Variants in ATG7 observed in about 807,000 individuals in gnomAD.
ATG7 encodes the protein autophagy related 7.
ATG7 carries 70 observed loss-of-function variants against 82.4 expected under a neutral mutation model. The ratio of observed to expected loss-of-function variants is 0.85; its 90% CI spans 0.70 to 1.04. ATG7 has a LOEUF of 1.04. Among genes scored for constraint, ATG7 ranks in the 50% least tolerant of loss-of-function variants. ATG7 has a pLI of 0.00. For missense variants in ATG7, 792 were observed against 864.3 expected (o/e 0.92, Z 1.05); for synonymous variants, 287 against 313.0 (o/e 0.92, Z 0.88).
At chr3:11,472,251 G>GT (rs2087628796) in intron 20 of ATG7, among the ~76,000 whole-genome samples, 1 of 152,068 alleles carries the variant, frequency 6.6e-6, no homozygotes, top group African/African-American at 2.4e-5. Context: ...TCTTGCCTGG[G>GT]TTTTCCCTGT....
intron 20 of ATG7, among the ~76,000 whole-genome samples, chr3:11,447,630 T>C (rs2084699370): frequency 6.6e-6 from 1 of 152,192 alleles, no homozygotes; most frequent in South Asian, 2.1e-4. Flanking sequence ...CAAGTTCTTT[T>C]CTTCCCCATA....
chr3:11,543,738 A>G (rs1330579950), intron 20 of ATG7, among the ~76,000 whole-genome samples: 1 of 152,192 alleles, frequency 6.6e-6, no homozygotes, highest in East Asian at 1.9e-4. Flanking sequence ...CATCTCTACT[A>G]AAAATACCAA....
At chr3:11,552,366 T>A (rs970016721) in intron 20 of ATG7, among the ~76,000 whole-genome samples, 3 of 152,238 alleles carry the variant, frequency 2.0e-5, no homozygotes, top group African/African-American at 7.2e-5. Flanking sequence ...TGATATTTTT[T>A]AAAATGTGCC....
chr3:11,490,667 G>A (rs1426854543), intron 20 of ATG7, among the ~76,000 whole-genome samples: 1 of 152,034 alleles, frequency 6.6e-6, no homozygotes, highest in Admixed American at 6.6e-5. Flanking sequence ...GGCAGGCCTG[G>A]TGGTGACAAA....
chr3:11,571,370 G>A, the ATG7 span, among the ~76,000 whole-genome samples: 4 of 152,120 alleles, frequency 2.6e-5, no homozygotes, highest in African/African-American at 7.2e-5. Context: ...ATCCACCCAC[G>A]TAATGTTTCC....
intron 9 of ATG7, among the ~76,000 whole-genome samples, chr3:11,319,900 T>C (rs1222824887): frequency 1.3e-5 from 2 of 152,232 alleles, no homozygotes; most frequent in Non-Finnish European, 2.9e-5. Context: ...ACTGTGGGCC[T>C]CTCCAGTTCA....
intron 18 of ATG7, among the ~76,000 whole-genome samples, chr3:11,370,127 A>G (rs1234750049): frequency 6.6e-6 from 1 of 151,072 alleles, no homozygotes; most frequent in Non-Finnish European, 1.5e-5. Context: ...CACATAAGAG[A>G]CCCTTGTAAA....
chr3:11,292,099 G>C (rs1210752540), intron 3 of ATG7, among the ~76,000 whole-genome samples: 3 of 152,204 alleles, frequency 2.0e-5, no homozygotes, highest in Non-Finnish European at 4.4e-5. Flanking sequence ...GTAGCAGTGG[G>C]AATGGAGAGA....
At chr3:11,353,546 C>A (rs184191900) in intron 14 of ATG7, among the ~76,000 whole-genome samples, 1 of 152,118 alleles carries the variant, frequency 6.6e-6, no homozygotes, top group Non-Finnish European at 1.5e-5. Flanking sequence ...AATTGTGATC[C>A]TCACTGTTGG....
intron 9 of ATG7, among the ~76,000 whole-genome samples, chr3:11,327,080 G>T (rs1950989300): frequency 6.6e-6 from 1 of 152,126 alleles, no homozygotes; most frequent in Non-Finnish European, 1.5e-5. Flanking sequence ...TTGCAGAGGG[G>T]GAGTCCGTGT....
downstream of ATG7, among the ~76,000 whole-genome samples, chr3:11,562,625 G>A (rs913565017): frequency 3.3e-5 from 5 of 152,256 alleles, no homozygotes; most frequent in South Asian, 6.2e-4. Flanking sequence ...AGCCCAGCTC[G>A]GATTGGTGTG....
intron 4 of ATG7, 175 bp downstream of exon 4, chr3:11,299,030 CTTG>C: frequency 2.7e-6 from 2 of 740,170 alleles, no homozygotes; most frequent in Non-Finnish European, 2.1e-6. Flanking sequence ...TTTATTTTCT[CTTG>C]TTGTGGGGAA....
At chr3:11,571,436 C>T in the ATG7 span, among the ~76,000 whole-genome samples, 2 of 152,322 alleles carry the variant, frequency 1.3e-5, no homozygotes, top group African/African-American at 2.4e-5. Context: ...GTAATCCCAG[C>T]ACTTTGGGAG....
chr3:11,414,062 TTTTTG>T (rs987403966), intron 19 of ATG7, among the ~76,000 whole-genome samples: 16 of 152,178 alleles, frequency 1.1e-4, no homozygotes, highest in South Asian at 6.2e-4. Flanking sequence ...ATAATGGAGT[TTTTTG>T]TTTTGTTTTG....
intron 19 of ATG7, among the ~76,000 whole-genome samples, chr3:11,397,198 C>A (rs1012625999): frequency 1.3e-5 from 2 of 151,888 alleles, no homozygotes; most frequent in Non-Finnish European, 2.9e-5. Flanking sequence ...TACAGAATGA[C>A]TGAAAATAAG....
chr3:11,342,834 G>A (rs1032954701), intron 13 of ATG7, among the ~76,000 whole-genome samples: 1 of 150,054 alleles, frequency 6.7e-6, no homozygotes, highest in African/African-American at 2.5e-5. Context: ...ATATCCATAG[G>A]ATTTTTTTTT....
intron 3 of ATG7, among the ~76,000 whole-genome samples, chr3:11,292,413 C>T (rs1559337257): frequency 6.6e-6 from 1 of 152,084 alleles, no homozygotes; most frequent in South Asian, 2.1e-4. Context: ...GCGTGCACCA[C>T]CACACCTGGG....
At chr3:11,451,860 C>A (rs1047603332) in intron 20 of ATG7, among the ~76,000 whole-genome samples, 1 of 148,762 alleles carries the variant, frequency 6.7e-6, no homozygotes, top group African/African-American at 2.5e-5. Context: ...TATATATATA[C>A]GCCTTTACAT....
Position 11,477,442 on chromosome 3 carries a change from T to G in ATG7, c.2079+50516T>G, listed in dbSNP as rs1019635007. ...TTTCTTTTAAACACAAGCATCAGCA[T>G]GTTTTCTCCCTCTAATTTATAAATG... is the stretch of plus-strand genomic sequence containing the variant. On this transcript the variant is annotated intron_variant, in intron 20 of 20. Transcript: ENST00000693202. 1.3e-4 allele frequency: 65 copies of G among 496,390 alleles called. 1 individual carries two copies. The highest frequency in any genetic ancestry group is 5.4e-5 in the Non-Finnish European group (20 of 369,824). The allele number at this position is 496,390 out of a possible 1,614,324, so 30.7% of individuals were successfully genotyped here.
Sources: allele counts gnomAD v4.1 joint callset (sites outside exome capture counted in the v4.1 genomes callset), GRCh38; gene constraint gnomAD v4.1.1; transcripts MANE v1.5; gene names NCBI Gene and HGNC (gene_info 2026-07-23, HGNC 2026-07-21).